The following CNTN5 variants were observed in gnomAD, a reference collection of about 807,000 sequenced individuals.
CNTN5 encodes contactin-5.
CNTN5 carries 77 observed loss-of-function variants against 129.1 expected under a neutral mutation model. The observed-to-expected ratio is 0.60, with a 90% CI of 0.50 to 0.72. The LOEUF is 0.72. CNTN5 is among the 30% of genes least tolerant of loss of function. The pLI is 0.00. For missense variants in CNTN5, 1,478 were observed against 1,328.8 expected, an observed-to-expected ratio of 1.11 and a Z score of -1.75; for synonymous variants, 509 against 465.6, an observed-to-expected ratio of 1.09 and a Z score of -1.20.
intron 3 of CNTN5, among the ~76,000 whole-genome samples, chr11:99,609,081 G>A (rs143451426): frequency 1.1e-4 from 17 of 152,220 alleles, no homozygotes; most frequent in African/African-American, 2.2e-4. Context: ...TGGAAATGAC[G>A]TGGTTATGAC....
At chr11:99,633,810 G>GAGAA (rs1951451730) in intron 3 of CNTN5, among the ~76,000 whole-genome samples, 1 of 151,716 alleles carries the variant, frequency 6.6e-6, no homozygotes, top group Admixed American at 6.6e-5. Context: ...GAAATACTGT[G>GAGAA]AGAAAACATG....
intron 1 of CNTN5, among the ~76,000 whole-genome samples, chr11:99,175,700 G>A (rs542536582): frequency 7.2e-5 from 11 of 152,108 alleles, no homozygotes; most frequent in Middle Eastern, 3.4e-3. Context: ...GATGGACCTC[G>A]CATCTACCAT....
intron 9 of CNTN5, among the ~76,000 whole-genome samples, chr11:100,054,109 G>A (rs1284473680): frequency 6.6e-6 from 1 of 151,686 alleles, no homozygotes; most frequent in Admixed American, 6.6e-5. Context: ...TATAAAAAAT[G>A]TTCTATATCC....
intron 13 of CNTN5, among the ~76,000 whole-genome samples, chr11:100,133,263 C>T (rs955370638): frequency 6.6e-6 from 1 of 152,054 alleles, no homozygotes; most frequent in Non-Finnish European, 1.5e-5. Context: ...AGATACTCTG[C>T]ACAAAAATGT....
chr11:99,177,957 TA>T (rs1440209353), intron 1 of CNTN5, among the ~76,000 whole-genome samples: 2 of 152,052 alleles, frequency 1.3e-5, no homozygotes, highest in African/African-American at 2.4e-5. Flanking sequence ...TAGAGAACTA[TA>T]TGAAAACAGG....
intron 3 of CNTN5, among the ~76,000 whole-genome samples, chr11:99,621,615 A>T (rs1950953660): frequency 6.6e-6 from 1 of 152,224 alleles, no homozygotes; most frequent in Non-Finnish European, 1.5e-5. Context: ...GGCTTTGAGC[A>T]GGTGAACATT....
intron 2 of CNTN5, among the ~76,000 whole-genome samples, chr11:99,422,350 A>G (rs900263482): frequency 2.0e-5 from 3 of 151,108 alleles, no homozygotes; most frequent in Non-Finnish European, 4.4e-5. Flanking sequence ...ATGACAACTC[A>G]CTCTCTAATT....
At chr11:99,492,213 G>C (rs1013823098) in intron 2 of CNTN5, among the ~76,000 whole-genome samples, 5 of 152,128 alleles carry the variant, frequency 3.3e-5, no homozygotes, top group African/African-American at 1.2e-4. Flanking sequence ...TATGTGACGG[G>C]TCATGTTCAT....
At chr11:100,136,585 C>CA (rs992113614) in intron 13 of CNTN5, among the ~76,000 whole-genome samples, 16 of 151,258 alleles carry the variant, frequency 1.1e-4, no homozygotes, top group East Asian at 3.9e-4. Flanking sequence ...AATCATTATA[C>CA]AAAAAAAATC....
chr11:99,372,337 A>G (rs1452589264), intron 2 of CNTN5, among the ~76,000 whole-genome samples: 1 of 152,214 alleles, frequency 6.6e-6, no homozygotes, highest in African/African-American at 2.4e-5. Flanking sequence ...AAAGAAACAA[A>G]AAAAAGTGGT....
intron 1 of CNTN5, among the ~76,000 whole-genome samples, chr11:99,131,249 GAAAAAAAA>G (rs71046664): frequency 1.5e-5 from 1 of 67,194 alleles, no homozygotes; most frequent in Non-Finnish European, 2.4e-5. Context: ...CTCCATCTCA[GAAAAAAAA>G]AAAAAAAGAA....
chr11:99,901,928 C>A lies in CNTN5; in HGVS notation c.578-14126C>A, dbSNP rs556221468. On this transcript the variant is annotated intron_variant, in intron 6 of 24. Transcript: ENST00000524871. ...ATAAAATGCAAGCGTTATCCCCTGACAATCATTTTGAGGTAGGTATTGTTA... is the reference window on the plus strand; with the variant it reads ...ATAAAATGCAAGCGTTATCCCCTGAAAATCATTTTGAGGTAGGTATTGTTA... Among the ~76,000 whole-genome samples, 5 of 152,154 alleles carry A rather than the reference C, an allele frequency of 3.3e-5. No homozygotes were observed. In the South Asian group the frequency reaches 1.0e-3, roughly 32 times the overall value.
chr11:99,758,171 G>T (rs930487964), intron 3 of CNTN5, among the ~76,000 whole-genome samples: 1 of 152,000 alleles, frequency 6.6e-6, no homozygotes, highest in Non-Finnish European at 1.5e-5. Flanking sequence ...GAAAAACACT[G>T]TCCTCAAGGT....
intron 8 of CNTN5, among the ~76,000 whole-genome samples, chr11:99,991,692 C>T (rs919820778): frequency 6.6e-6 from 1 of 152,158 alleles, no homozygotes; most frequent in Non-Finnish European, 1.5e-5. Context: ...CTTTCAATAG[C>T]AAACTACTTC....
At chr11:99,126,843 C>T (rs1401871728) in intron 1 of CNTN5, among the ~76,000 whole-genome samples, 1 of 152,048 alleles carries the variant, frequency 6.6e-6, no homozygotes. Flanking sequence ...TATTATCTTC[C>T]ACTGGATGTC....
intron 2 of CNTN5, among the ~76,000 whole-genome samples, chr11:99,405,287 A>G (rs574285986): frequency 6.6e-6 from 1 of 152,194 alleles, no homozygotes; most frequent in East Asian, 1.9e-4. Context: ...TATCCCTTTG[A>G]CTAACATTCT....
chr11:100,353,019 T>C (rs1254632215), intron 24 of CNTN5, among the ~76,000 whole-genome samples: 1 of 151,562 alleles, frequency 6.6e-6, no homozygotes, highest in Non-Finnish European at 1.5e-5. Flanking sequence ...TTTATTCTTC[T>C]CTGACTCTCT....
At chr11:99,414,914 T>G (rs2135026339) in intron 2 of CNTN5, among the ~76,000 whole-genome samples, 1 of 152,328 alleles carries the variant, frequency 6.6e-6, no homozygotes, top group East Asian at 1.9e-4. Context: ...GATAGAATTT[T>G]CTGTGCTTTT....
At chr11:99,346,348 T>C (rs1205448110) in intron 2 of CNTN5, among the ~76,000 whole-genome samples, 1 of 152,254 alleles carries the variant, frequency 6.6e-6, no homozygotes, top group African/African-American at 2.4e-5. Context: ...AGTGTCTATA[T>C]GGTATTGCAA....
Sources: allele counts gnomAD v4.1 joint callset (sites outside exome capture counted in the v4.1 genomes callset), GRCh38; gene constraint gnomAD v4.1.1; transcripts MANE v1.5; gene names NCBI Gene and HGNC (gene_info 2026-07-23, HGNC 2026-07-21).